IKZF1: variants seen among roughly 807,000 people sequenced by gnomAD.
IKZF1 encodes IKAROS family zinc finger 1.
In IKZF1, 10 loss-of-function variants were observed where a neutral mutation model predicts 51.7. The ratio of observed to expected loss-of-function variants is 0.19; its 90% CI spans 0.12 to 0.33. IKZF1 has a LOEUF of 0.33. IKZF1 is among the 10% of genes least tolerant of loss of function. IKZF1 has a pLI of 1.00. For missense variants in IKZF1, 484 were observed against 707.5 expected (o/e 0.68, Z 3.58); for synonymous variants, 280 against 282.3 (o/e 0.99, Z 0.08).
At chr7:50,303,615 T>C (rs574448787), upstream of IKZF1, among the ~76,000 whole-genome samples, 14 of 151,986 alleles carry the variant, frequency 9.2e-5, no homozygotes, top group South Asian at 8.3e-4. This position sits in a 1 kb window ranked among gnomAD's most constrained non-coding sequence, Gnocchi z 4.7. Context: ...TCCCACCCCC[T>C]CGGGTGGGCA....
At chr7:50,371,354 C>T (rs1808616090) in intron 3 of IKZF1, among the ~76,000 whole-genome samples, 2 of 152,184 alleles carry the variant, frequency 1.3e-5, no homozygotes, top group Non-Finnish European at 2.9e-5. Context: ...GAAGGGCCAA[C>T]AAAACTCACA....
intron 2 of IKZF1, among the ~76,000 whole-genome samples, chr7:50,324,107 C>A (rs891511271): frequency 2.0e-5 from 3 of 152,174 alleles, no homozygotes; most frequent in African/African-American, 7.2e-5. Context: ...TCCTTGCATA[C>A]TTTTACATTT....
chr7:50,391,995 A>G, intron 7 of IKZF1, 132 bp downstream of exon 7: 1 of 1,273,090 alleles, frequency 7.9e-7, no homozygotes, highest in Non-Finnish European at 1.1e-6. Flanking sequence ...GGTAAGCTTA[A>G]CATTCCTTAA....
chr7:50,390,225 C>T (rs895113980), intron 6 of IKZF1, among the ~76,000 whole-genome samples: 6 of 152,110 alleles, frequency 3.9e-5, no homozygotes, highest in South Asian at 2.1e-4. Context: ...GGAGGCCCTG[C>T]GCCATGGTGC....
rs564967772 is a variant in IKZF1, at chr7:50,316,178, G to A, written c.-14-2870G>A. Among the ~76,000 whole-genome samples the A allele has an allele frequency of 5.9e-5, 9 of 152,224 alleles. No individual in the cohort carries two copies. In the South Asian group the frequency reaches 1.2e-3, roughly 21 times the overall value. The stretch of plus-strand genomic sequence containing the variant: ...CAAGTCATCCTTTATGATGTCAGAC[G>A]AGTCAGGCCACAGAATTCACAGGGC... On this transcript the variant is annotated intron_variant, in intron 1 of 7. Coordinates refer to ENST00000331340, the MANE Select transcript of IKZF1 (RefSeq NM_006060.6).
Position 50,400,140 on chromosome 7 carries a change from C to A in IKZF1, c.1073C>A (p.Thr358Asn). ...YQLHKPLAEG[T>N]PRSNHSAQDS... ...CTGCACAAGCCGCTCGCGGAGGGCA[C>A]CCCGCGCTCCAACCACTCGGCCCAG... The change falls in exon 8 of 8, where the codon ACC (threonine) becomes AAC (asparagine). Residue 358 changes from threonine (T) to asparagine (N), a missense_variant. Around this residue, in one of 6 missense-constraint regions of IKZF1, gnomAD observed 172 missense variants for 192.7 expected, o/e 0.89. Coordinates refer to ENST00000331340, the MANE Select transcript of IKZF1 (RefSeq NM_006060.6). This position sits in a 1 kb window ranked among gnomAD's most constrained non-coding sequence, Gnocchi z 5.4. The A allele has an allele frequency of 6.4e-7, 1 of 1,561,506 alleles. No individual in the cohort carries two copies. The highest frequency in any genetic ancestry group is 8.7e-7 in the Non-Finnish European group (1 of 1,154,584).
chr7:50,378,158 C>T (rs1254963853), intron 4 of IKZF1, among the ~76,000 whole-genome samples: 2 of 152,022 alleles, frequency 1.3e-5, no homozygotes, highest in South Asian at 2.1e-4. Flanking sequence ...TTGAATCGGG[C>T]GGTTTTCAAA....
At chr7:50,397,508 G>A (rs55981617) in intron 7 of IKZF1, among the ~76,000 whole-genome samples, 23,037 of 152,170 alleles carry the variant, frequency 0.15, 2,036 homozygotes, top group Middle Eastern at 0.24. Flanking sequence ...CTTGGGGAGA[G>A]ACAGGATGAT....
intron 3 of IKZF1, among the ~76,000 whole-genome samples, chr7:50,348,295 C>T (rs571281275): frequency 6.6e-6 from 1 of 152,238 alleles, no homozygotes; most frequent in East Asian, 1.9e-4. Flanking sequence ...TCTGGCTCTT[C>T]CAGAATCCAT....
In IKZF1 at chr7:50,401,157, C is replaced by G. The variant is rs1027428728; in HGVS notation, c.*530C>G. ...CACAGCAGGGCCAACAACCTGTGCCCAGGCCAGCTTCGAGCTACATGCATC... is the reference window on the plus strand; with the variant it reads ...CACAGCAGGGCCAACAACCTGTGCCGAGGCCAGCTTCGAGCTACATGCATC... On this transcript the variant is annotated 3_prime_UTR_variant, in exon 8 of 8. Coordinates refer to ENST00000331340, the MANE Select transcript of IKZF1 (RefSeq NM_006060.6). 8.2e-6 allele frequency: 2 copies of G among 243,556 alleles called. No homozygotes were observed. 15.1% of individuals were successfully genotyped at this position (243,556 alleles called of 1,614,324 possible). A position where few individuals can be genotyped will look rare whatever the true frequency, so the allele number is the denominator to read the frequency against.
intron 3 of IKZF1, among the ~76,000 whole-genome samples, chr7:50,367,000 T>C (rs1246981181): frequency 6.6e-6 from 1 of 152,188 alleles, no homozygotes; most frequent in African/African-American, 2.4e-5. Flanking sequence ...AAGGATTTGC[T>C]AGGAAATAAT....
intron 7 of IKZF1, among the ~76,000 whole-genome samples, chr7:50,396,913 T>A (rs921080547): frequency 3.9e-5 from 6 of 152,250 alleles, no homozygotes; most frequent in African/African-American, 1.4e-4. Context: ...TTGGGCCATC[T>A]TCCCCTTCAG....
At chr7:50,335,472 G>T (rs1797488562) in intron 3 of IKZF1, among the ~76,000 whole-genome samples, 1 of 140,218 alleles carries the variant, frequency 7.1e-6, no homozygotes, top group Non-Finnish European at 1.5e-5. Flanking sequence ...GTGTGTATGG[G>T]ATGTGTAGTG....
intron 3 of IKZF1, among the ~76,000 whole-genome samples, chr7:50,346,053 C>T (rs966300979): frequency 2.0e-5 from 3 of 152,222 alleles, no homozygotes; most frequent in Admixed American, 6.5e-5. Flanking sequence ...GGAGCAATAG[C>T]TTCTGTCTGC....
Position 50,345,161 on chromosome 7 carries a change from C to T in IKZF1, c.160+17404C>T, listed in dbSNP as rs193108926. Among the ~76,000 whole-genome samples, 1,041 of 152,124 alleles carry T rather than the reference C, an allele frequency of 6.8e-3. 11 individuals carry two copies. Among genetic ancestry groups the T allele is most frequent in the South Asian group, 0.017 (80 of 4,810 alleles). On this transcript the variant is annotated intron_variant, in intron 3 of 7. Coordinates refer to ENST00000331340, the MANE Select transcript of IKZF1 (RefSeq NM_006060.6). Reference sequence around the variant, plus strand: ...ATAGGGTATAAATAATCTGAATTGACGGCATCCAGGGATCTCAGAAATTAT... The same window carrying T: ...ATAGGGTATAAATAATCTGAATTGATGGCATCCAGGGATCTCAGAAATTAT...
In IKZF1 at chr7:50,385,270, AATAAGGACTT is replaced by A. The variant is rs542310713; in HGVS notation, c.590-2074_590-2065del. Among the ~76,000 whole-genome samples the A allele has an allele frequency of 4.0e-4, 61 of 152,330 alleles. No individual in the cohort carries two copies. The East Asian group carries it at 9.6e-3, about 24-fold the overall frequency. The stretch of plus-strand genomic sequence containing the variant: ...CTTCAAAATGATTTCACTGAAGTGA[AATAAGGACTT>A]TGGCCTTGCTCTGGCAAATTCAAAT... On this transcript the variant is annotated intron_variant, in intron 5 of 7. Transcript: ENST00000331340.
rs4132098 is a variant in IKZF1 at position 50,391,622 on chromosome 7, G to A, written c.716-107G>A. 0.075 allele frequency: 110,700 copies of A among 1,470,688 alleles called. 4,696 individuals are homozygous for A. The highest frequency in any genetic ancestry group is 0.14 in the South Asian group (10,498 of 74,726). The allele number at this position is 1,470,688 out of a possible 1,614,324, so 91.1% of individuals were successfully genotyped here. A position where few individuals can be genotyped will look rare whatever the true frequency, so the allele number is the denominator to read the frequency against. On this transcript the variant is annotated intron_variant, in intron 6 of 7. Coordinates refer to ENST00000331340, the MANE Select transcript of IKZF1 (RefSeq NM_006060.6). ...AAGATTAGAATTAATCTCTAGGAAG[G>A]GCCTGGCTCTTGTAGGCACTTAACA...
intron 3 of IKZF1, among the ~76,000 whole-genome samples, chr7:50,366,523 C>T (rs1807003853): frequency 1.3e-5 from 2 of 152,166 alleles, no homozygotes; most frequent in Admixed American, 1.3e-4. Context: ...ATATGTACAG[C>T]AGGTGGCTGA....
intron 3 of IKZF1, among the ~76,000 whole-genome samples, chr7:50,331,218 C>T (rs916168351): frequency 6.6e-6 from 1 of 151,896 alleles, no homozygotes; most frequent in Admixed American, 6.6e-5. Flanking sequence ...AGGGAGAGAA[C>T]AGATGACCAG....
Sources: gnomAD v4.1 joint callset for allele counts (sites outside exome capture counted in the v4.1 genomes callset) on GRCh38, gnomAD v4.1.1 for gene constraint, gnomAD v4.1.1 regional missense constraint, Gnocchi (gnomAD v3.1) non-coding constraint, MANE v1.5 for transcripts, NCBI Gene and HGNC (gene_info 2026-07-23, HGNC 2026-07-21) for gene names.